BRIX1: variants seen among roughly 807,000 people sequenced by gnomAD.
The protein encoded by BRIX1 is biogenesis of ribosomes BRX1.
Under a neutral mutation model 44.0 loss-of-function variants are expected in BRIX1, and 15 were observed. The ratio of observed to expected loss-of-function variants is 0.34; its 90% confidence interval spans 0.23 to 0.53. BRIX1 has a LOEUF of 0.53. Ranked by LOEUF, BRIX1 falls within the 20% of genes least tolerant of loss-of-function variation. The probability of loss-of-function intolerance (pLI) is 0.95; values close to 1 mark genes in which losing one functional copy is unlikely to be tolerated. For synonymous variants in BRIX1, 149 were observed against 135.4 expected (o/e 1.10, Z -0.70); for missense variants, 420 against 432.8 (o/e 0.97, Z 0.26).
At chr5:34,922,840 T>C (rs1764269973) in intron 6 of BRIX1, 72 bp downstream of exon 6, 1 of 1,413,188 alleles carries the variant, frequency 7.1e-7, no homozygotes, top group Non-Finnish European at 9.9e-7. Flanking sequence ...GATATAGTTG[T>C]GTTATTCAAT....
chr5:34,918,073 A>G, intron 1 of BRIX1: 1 of 202,372 alleles, frequency 4.9e-6, no homozygotes, highest in East Asian at 1.1e-4. Context: ...GCGCTTTGGG[A>G]GGCCAAGCCA....
chr5:34,916,946 C>G (rs1397229025), intron 1 of BRIX1, among the ~76,000 whole-genome samples: 2 of 152,158 alleles, frequency 1.3e-5, no homozygotes, highest in Non-Finnish European at 2.9e-5. Flanking sequence ...AGTGTTCTCA[C>G]TCTTCCCTTG....
At chr5:34,923,303 G>C in intron 8 of BRIX1, 69 bp downstream of exon 8, 1 of 1,255,542 alleles carries the variant, frequency 8.0e-7, no homozygotes, top group Non-Finnish European at 1.2e-6. Flanking sequence ...TTTTGAGACA[G>C]AGTCTCGCTC....
At chr5:34,916,667 A>C (rs1000450483) in intron 1 of BRIX1, 9 of 152,344 alleles carry the variant, frequency 5.9e-5, no homozygotes, top group Admixed American at 3.9e-4. Flanking sequence ...GTGAACAAGG[A>C]TTATCTTTGA....
intron 3 of BRIX1, chr5:34,922,007 A>G: frequency 6.3e-6 from 2 of 319,564 alleles, no homozygotes; most frequent in Admixed American, 4.9e-5. Context: ...TTCACCCAAG[A>G]TATGGGCAGA....
chr5:34,922,986 A>T lies in BRIX1; in HGVS notation c.511-15A>T. On this transcript the variant is annotated splice_polypyrimidine_tract_variant and intron_variant, in intron 6 of 9. Coordinates refer to ENST00000336767, the MANE Select transcript of BRIX1 (RefSeq NM_018321.4). The stretch of plus-strand genomic sequence containing the variant: ...CAGTCTACTGTTAAATAATATGCTT[A>T]CCTTATTTTTATAGGCTTTTGATGA... The T allele has an allele frequency of 2.7e-6, 4 of 1,498,244 alleles. No homozygotes were observed. The highest frequency in any genetic ancestry group is 3.7e-6 in the Non-Finnish European group (4 of 1,079,654). 92.8% of individuals were successfully genotyped at this position (1,498,244 alleles called of 1,614,324 possible).
At chr5:34,923,421 G>A in intron 8 of BRIX1, 187 bp downstream of exon 8, 1 of 586,604 alleles carries the variant, frequency 1.7e-6, no homozygotes, top group Non-Finnish European at 3.0e-6. Flanking sequence ...GGGATTACAA[G>A]CACCCATCAT....
At chr5:34,918,788 T>A in intron 2 of BRIX1, 1 of 195,118 alleles carries the variant, frequency 5.1e-6, no homozygotes. Context: ...TCCTAAGTGC[T>A]AAGGACTGCC....
chr5:34,916,326 T>G (rs1032359708), intron 1 of BRIX1: 1 of 154,984 alleles, frequency 6.5e-6, no homozygotes, highest in Non-Finnish European at 1.4e-5. Context: ...TAGGGGAGCC[T>G]TTAAAAAGTT....
chr5:34,922,048 A>AC (rs1281329888), intron 3 of BRIX1, 169 bp from the exon 4 acceptor site: 3 of 409,420 alleles, frequency 7.3e-6, no homozygotes, highest in Non-Finnish European at 1.3e-5. Context: ...AGAATACCTA[A>AC]GAGGAACTTT....
intron 3 of BRIX1, chr5:34,920,536 CA>C (rs748280722): frequency 6.6e-6 from 1 of 152,142 alleles, no homozygotes; most frequent in Non-Finnish European, 1.5e-5. Context: ...TTCAACAGAG[CA>C]ATGTCCCTGT....
intron 1 of BRIX1, 124 bp from the exon 2 acceptor site, chr5:34,918,240 A>G: frequency 1.9e-6 from 1 of 523,782 alleles, no homozygotes; most frequent in Non-Finnish European, 3.4e-6. Context: ...ACTTGAGCCC[A>G]GGAACTTGAA....
At position 34,924,962 on chromosome 5, in the gene BRIX1, A is replaced by G. The variant is rs1764339156; in HGVS notation, c.779A>G (p.Gln260Arg). The change falls in exon 9 of 10, where the codon CAG becomes CGG. Residue 260 changes from glutamine (Q) to arginine (R), a missense_variant. Transcript: ENST00000336767. ...ACTTTATATGAAAATCCTCACTACC[A>G]GTCACCAAACATGGTAAGCGGTTGT... ...GPTLYENPHYQSPNMHRRVIR... is the reference protein window; with the variant it reads ...GPTLYENPHYRSPNMHRRVIR... The G allele has an allele frequency of 1.2e-6, 2 of 1,613,232 alleles. No homozygotes were observed. Among genetic ancestry groups the G allele is most frequent in the Non-Finnish European group, 1.7e-6 (2 of 1,179,720 alleles).
chr5:34,922,713 T>C lies in BRIX1; in HGVS notation c.455T>C (p.Leu152Pro). 6.2e-7 allele frequency: 1 copy of C among 1,614,032 alleles called. No homozygotes were observed. Among genetic ancestry groups the C allele is most frequent in the Non-Finnish European group, 8.5e-7 (1 of 1,179,928 alleles). The change falls in exon 6 of 10, where the codon CTG (leucine) becomes CCG (proline). Residue 152 changes from leucine to proline, a missense_variant. Leu to Pro is a moderately conservative substitution (Grantham distance 98). Coordinates refer to ENST00000336767, the MANE Select transcript of BRIX1 (RefSeq NM_018321.4). ...TTTCTAGTTCATACCCTCGCTGAAC[T>C]GAAGATGACTGGAAACTGTTTGAAA... ...LVQNIHTLAE[L>P]KMTGNCLKGS...
rs576503242 is a variant in BRIX1 at position 34,919,750 on chromosome 5, T to C, written c.272-90T>C. ...TTTAAACTGAAGAGTGTAAAAACAC[T>C]TTATTTTCTGGATAGCATATGTGGT... On this transcript the variant is annotated intron_variant, in intron 2 of 9. Coordinates refer to ENST00000336767, the MANE Select transcript of BRIX1 (RefSeq NM_018321.4). The C allele has an allele frequency of 3.2e-5, 14 of 434,994 alleles. No individual in the cohort carries two copies. In the East Asian group the frequency reaches 4.8e-4, roughly 15 times the overall value. 26.9% of individuals were successfully genotyped at this position (434,994 alleles called of 1,614,324 possible).
At chr5:34,924,724 AC>A (rs1764315104) in intron 8 of BRIX1, 122 bp from the exon 9 acceptor site, 1 of 588,638 alleles carries the variant, frequency 1.7e-6, no homozygotes, top group Non-Finnish European at 3.0e-6. Flanking sequence ...ACCAAGTTTC[AC>A]CCCCACCTTG....
rs578175964 is a variant in BRIX1 at position 34,917,423 on chromosome 5, G to A, written c.160-941G>A. ...CCGAGGCGGGTGGATCACTAGGTCAGGAGTTCAAGACCAGCCTGGCCAAGA... is the reference window on the plus strand; with the variant it reads ...CCGAGGCGGGTGGATCACTAGGTCAAGAGTTCAAGACCAGCCTGGCCAAGA... On this transcript the variant is annotated intron_variant, in intron 1 of 9. Coordinates refer to ENST00000336767, the MANE Select transcript of BRIX1 (RefSeq NM_018321.4). 1.1e-4 allele frequency among the ~76,000 whole-genome samples: 16 copies of A among 152,072 alleles called. No individual in the cohort carries two copies. In the South Asian group the frequency reaches 3.3e-3, roughly 32 times the overall value.
At chr5:34,923,263 C>T in intron 8 of BRIX1, 29 bp downstream of exon 8, 1 of 1,455,520 alleles carries the variant, frequency 6.9e-7, no homozygotes, top group Non-Finnish European at 9.6e-7. Flanking sequence ...TTAATTATAC[C>T]TTTTTTTTAA....
At chr5:34,920,362 T>A (rs1764213913) in intron 3 of BRIX1, 1 of 151,898 alleles carries the variant, frequency 6.6e-6, no homozygotes, top group Non-Finnish European at 1.5e-5. Flanking sequence ...CACTTAGGTA[T>A]TTTTTTTAAC....
Sources: allele counts gnomAD v4.1 joint callset (sites outside exome capture counted in the v4.1 genomes callset), GRCh38; gene constraint gnomAD v4.1.1; transcripts MANE v1.5; gene names NCBI Gene and HGNC (gene_info 2026-07-23, HGNC 2026-07-21).